Variants in ZMYM2 observed in about 807,000 individuals in gnomAD.
ZMYM2 encodes the protein zinc finger MYM-type protein 2.
Under a neutral mutation model 162.8 loss-of-function variants are expected in ZMYM2, and 56 were observed. The observed-to-expected ratio is 0.34, with a 90% CI of 0.28 to 0.43. The LOEUF (loss-of-function observed/expected upper bound fraction) is 0.43. Ranked by LOEUF, ZMYM2 falls within the 20% of genes least tolerant of loss-of-function variation. ZMYM2 has a pLI of 1.00. For synonymous variants in ZMYM2, 510 were observed against 541.6 expected (o/e 0.94, Z 0.81); for missense variants, 1,275 against 1,621.8 (o/e 0.79, Z 3.67).
intron 12 of ZMYM2, among the ~76,000 whole-genome samples, chr13:20,046,564 A>ATATATATATAT (rs1555317284): frequency 9.6e-6 from 1 of 103,870 alleles, no homozygotes; most frequent in East Asian, 3.0e-4. Flanking sequence ...TAAAAAAAAA[A>ATATATATATAT]ATATATATAT....
Position 20,081,998 on chromosome 13 carries a change from CTTT to C in ZMYM2, c.3454-7_3454-5del, listed in dbSNP as rs5802036. 972 of 1,070,976 alleles carry C rather than the reference CTTT, an allele frequency of 9.1e-4. No individual in the cohort carries two copies. The highest frequency in any genetic ancestry group is 1.6e-3 in the South Asian group (91 of 57,300). 66.3% of individuals were successfully genotyped at this position (1,070,976 alleles called of 1,614,324 possible). On this transcript the variant is annotated splice_polypyrimidine_tract_variant and intron_variant, in intron 21 of 24. Coordinates refer to ENST00000610343, the MANE Select transcript of ZMYM2 (RefSeq NM_197968.4). ...TTTTCTTTCAAGAAAGTTTGTGGGG[CTTT>C]TTTTTTTTTTATAGTATTTGTGTGG... is the stretch of plus-strand genomic sequence containing the variant.
At chr13:19,900,631 G>A in the ZMYM2 span, among the ~76,000 whole-genome samples, 45,891 of 151,982 alleles carry the variant, frequency 0.3, 9,380 homozygotes, top group Non-Finnish European at 0.46. Flanking sequence ...CAAAGGCAAT[G>A]CAAGAAAACT....
chr13:19,973,357 A>G (rs1221131903), intron 2 of ZMYM2, among the ~76,000 whole-genome samples: 1 of 152,152 alleles, frequency 6.6e-6, no homozygotes, highest in Non-Finnish European at 1.5e-5. Context: ...CAAGACTTTA[A>G]TGAAGGAAAC....
the ZMYM2 span, among the ~76,000 whole-genome samples, chr13:19,905,814 C>G: frequency 6.6e-6 from 1 of 152,080 alleles, no homozygotes; most frequent in African/African-American, 2.4e-5. Context: ...TTGCAATTGC[C>G]TCTTGATCCA....
chr13:19,999,170 A>G (rs114752117), intron 3 of ZMYM2, among the ~76,000 whole-genome samples: 2 of 152,330 alleles, frequency 1.3e-5, no homozygotes, highest in African/African-American at 4.8e-5. Context: ...TGGTAGAGGA[A>G]TTTGACATTG....
chr13:19,962,877 A>G (rs1955401368), intron 2 of ZMYM2, among the ~76,000 whole-genome samples: 2 of 136,822 alleles, frequency 1.5e-5, no homozygotes, highest in Admixed American at 1.7e-4. Context: ...GCTGGAGTGC[A>G]GTGGCGTGAT....
At chr13:20,065,595 A>G (rs377078872) in intron 19 of ZMYM2, among the ~76,000 whole-genome samples, 3 of 152,208 alleles carry the variant, frequency 2.0e-5, no homozygotes, top group South Asian at 2.1e-4. Flanking sequence ...GTGGAGCCCA[A>G]GAGTTTGAGA....
chr13:19,937,181 T>C, the ZMYM2 span, among the ~76,000 whole-genome samples: 2 of 152,108 alleles, frequency 1.3e-5, no homozygotes, highest in African/African-American at 4.8e-5. Context: ...ATAGTTTTGT[T>C]CTTGTCGCCC....
At chr13:20,028,801 C>G (rs1594450341) in intron 9 of ZMYM2, among the ~76,000 whole-genome samples, 2 of 151,484 alleles carry the variant, frequency 1.3e-5, no homozygotes, top group Admixed American at 6.6e-5. Context: ...CATACACATG[C>G]AATCATCTTT....
upstream of ZMYM2, among the ~76,000 whole-genome samples, chr13:19,956,627 T>A (rs1263242605): frequency 6.6e-6 from 1 of 152,156 alleles, no homozygotes; most frequent in Non-Finnish European, 1.5e-5. Flanking sequence ...TAATAAATAC[T>A]ATAATTAGCA....
chr13:19,864,261 C>A, the ZMYM2 span: 2 of 154,916 alleles, frequency 1.3e-5, no homozygotes, highest in Non-Finnish European at 2.9e-5. Flanking sequence ...TCCACCCTCG[C>A]CGCGCCCCGT....
chr13:19,895,233 G>A, the ZMYM2 span, among the ~76,000 whole-genome samples: 1 of 151,756 alleles, frequency 6.6e-6, no homozygotes, highest in African/African-American at 2.4e-5. Context: ...AGCAGCTATG[G>A]AAAACAGTAT....
rs997086651 is a variant in ZMYM2 at position 20,085,815 on chromosome 13, T to C, written c.3942-7T>C. 1 of 1,577,740 alleles carries C rather than the reference T, an allele frequency of 6.3e-7. No homozygotes were observed. Among genetic ancestry groups the C allele is most frequent in the South Asian group, 1.2e-5 (1 of 85,348 alleles). On this transcript the variant is annotated splice_polypyrimidine_tract_variant and splice_region_variant and intron_variant, in intron 24 of 24. Transcript: ENST00000610343. ...GACTTTTTCTCTTTTTCCTCCCGCC[T>C]CCAAAGTCCACAGAATCTTAATCAG... is the stretch of plus-strand genomic sequence containing the variant.
At chr13:19,954,491 T>C (rs200133027), upstream of ZMYM2, among the ~76,000 whole-genome samples, 2 of 152,168 alleles carry the variant, frequency 1.3e-5, no homozygotes, top group Non-Finnish European at 2.9e-5. Context: ...AGAGAGGCTG[T>C]ATAATGAGGT....
chr13:19,922,467 C>T, the ZMYM2 span, among the ~76,000 whole-genome samples: 3 of 152,202 alleles, frequency 2.0e-5, no homozygotes, highest in Non-Finnish European at 4.4e-5. Flanking sequence ...ATTGCTGTCT[C>T]ATTTTAACGT....
At chr13:19,948,289 C>T in the ZMYM2 span, among the ~76,000 whole-genome samples, 2 of 152,084 alleles carry the variant, frequency 1.3e-5, no homozygotes, top group East Asian at 3.9e-4. Context: ...CACACAAAAC[C>T]CTTGCACATG....
At chr13:19,920,921 C>T in the ZMYM2 span, among the ~76,000 whole-genome samples, 1 of 151,716 alleles carries the variant, frequency 6.6e-6, no homozygotes, top group Non-Finnish European at 1.5e-5. Flanking sequence ...TGCCACCATG[C>T]CCAGCTAATT....
At chr13:19,869,175 T>C in the ZMYM2 span, among the ~76,000 whole-genome samples, 1 of 152,244 alleles carries the variant, frequency 6.6e-6, no homozygotes, top group Non-Finnish European at 1.5e-5. Context: ...CTTTTTTCCT[T>C]AGAGAAATTC....
chr13:20,035,225 A>G (rs1211323393), intron 11 of ZMYM2, among the ~76,000 whole-genome samples: 1 of 152,210 alleles, frequency 6.6e-6, no homozygotes, highest in Non-Finnish European at 1.5e-5. Context: ...GGAAAATCCT[A>G]AATGTCAGCA....
Sources: allele counts gnomAD v4.1 joint callset (sites outside exome capture counted in the v4.1 genomes callset), GRCh38; gene constraint gnomAD v4.1.1; transcripts MANE v1.5; gene names NCBI Gene and HGNC (gene_info 2026-07-23, HGNC 2026-07-21).